The following CSMD1 variants were observed in gnomAD, a reference collection of about 807,000 sequenced individuals.
CSMD1 encodes the protein CUB and Sushi multiple domains 1.
Under a neutral mutation model 417.5 loss-of-function variants are expected in CSMD1, and 213 were observed. The observed-to-expected ratio is 0.51, with a 90% CI of 0.46 to 0.57. CSMD1 has a LOEUF of 0.57. Among genes scored for constraint, CSMD1 ranks in the 20% least tolerant of loss-of-function variants. The pLI is 0.00. For synonymous variants in CSMD1, 2,862 were observed against 1,736.8 expected (o/e 1.65, Z -16.11); for missense variants, 6,923 against 4,529.7 (o/e 1.53, Z -15.17).
chr8:3,824,965 G>A (rs182047501), intron 5 of CSMD1, among the ~76,000 whole-genome samples: 56 of 152,216 alleles, frequency 3.7e-4, no homozygotes, highest in African/African-American at 1.3e-3. Flanking sequence ...TTTAACTGTT[G>A]TTTAATAATA....
rs147890545 is a variant in CSMD1 at position 3,132,664 on chromosome 8, T to G, written c.6241+9801A>C. ...GAAACTGCAGATACAAAAGTAGTTC[T>G]GAATAGCTGCATCAAGAGGGCAGTT... On this transcript the variant is annotated intron_variant, in intron 41 of 69. Transcript: ENST00000635120. Among the ~76,000 whole-genome samples the G allele has an allele frequency of 3.8e-3, 580 of 152,326 alleles. 5 individuals are homozygous for G. Among genetic ancestry groups the G allele is most frequent in the African/African-American group, 0.013 (559 of 41,572 alleles).
At chr8:3,412,640 C>T (rs1188748115) in intron 12 of CSMD1, among the ~76,000 whole-genome samples, 5 of 152,194 alleles carry the variant, frequency 3.3e-5, no homozygotes, top group Non-Finnish European at 7.3e-5. Context: ...ACACTGCTAA[C>T]GTCACACCTC....
At chr8:4,390,560 C>G (rs1171613549) in intron 3 of CSMD1, among the ~76,000 whole-genome samples, 1 of 106,920 alleles carries the variant, frequency 9.4e-6, no homozygotes, top group East Asian at 2.4e-4. Flanking sequence ...GTTGCCCAGG[C>G]TGGAGTGCAG....
At chr8:4,968,025 C>T (rs1367473123) in intron 1 of CSMD1, among the ~76,000 whole-genome samples, 1 of 151,986 alleles carries the variant, frequency 6.6e-6, no homozygotes, top group African/African-American at 2.4e-5. Context: ...ATAATTGAAT[C>T]TGACAAATAA....
At chr8:4,673,192 T>A (rs920475594) in intron 1 of CSMD1, among the ~76,000 whole-genome samples, 6 of 152,072 alleles carry the variant, frequency 3.9e-5, no homozygotes, top group African/African-American at 1.4e-4. Flanking sequence ...GAAAAGACAT[T>A]TATCAGGTAC....
rs185649727 is a variant in CSMD1 at position 4,967,110 on chromosome 8, T to G, written c.85+27222A>C. Among the ~76,000 whole-genome samples the G allele has an allele frequency of 4.6e-5, 7 of 152,202 alleles. No individual in the cohort carries two copies. In the East Asian group the frequency reaches 9.7e-4, roughly 21 times the overall value. ...AAATGTCTGAGCAGATAAATTTGTC[T>G]TAAAAAAAAATCAGGGTTCATTCAA... On this transcript the variant is annotated intron_variant, in intron 1 of 69. Coordinates refer to ENST00000635120, the MANE Select transcript of CSMD1 (RefSeq NM_033225.6).
At chr8:4,560,093 G>A (rs527250803) in intron 2 of CSMD1, among the ~76,000 whole-genome samples, 31 of 152,316 alleles carry the variant, frequency 2.0e-4, no homozygotes, top group African/African-American at 7.2e-4. Flanking sequence ...TCGTGCTTGG[G>A]CCACCTCCAC....
chr8:4,229,886 T>G (rs532042547), intron 3 of CSMD1, among the ~76,000 whole-genome samples: 2 of 152,212 alleles, frequency 1.3e-5, no homozygotes, highest in Non-Finnish European at 2.9e-5. Context: ...GAAATCTGTG[T>G]ATCGCTTTGA....
At chr8:3,630,979 G>A (rs1439086569) in intron 7 of CSMD1, among the ~76,000 whole-genome samples, 1 of 152,174 alleles carries the variant, frequency 6.6e-6, no homozygotes, top group African/African-American at 2.4e-5. Context: ...GGGAATCATT[G>A]ATGTGACCTA....
chr8:4,330,869 G>T (rs545600997), intron 3 of CSMD1, among the ~76,000 whole-genome samples: 2 of 152,184 alleles, frequency 1.3e-5, no homozygotes, highest in Admixed American at 6.5e-5. Flanking sequence ...AGCTCAGCAG[G>T]AATGTCAGTT....
chr8:3,683,185 TATA>T (rs1441128635), intron 7 of CSMD1, among the ~76,000 whole-genome samples: 6 of 151,662 alleles, frequency 4.0e-5, no homozygotes, highest in African/African-American at 1.2e-4. Context: ...ACCCTAGAAG[TATA>T]ATAAGAAATA....
At chr8:3,610,123 C>T (rs899803897) in intron 8 of CSMD1, among the ~76,000 whole-genome samples, 6 of 152,052 alleles carry the variant, frequency 3.9e-5, no homozygotes, top group African/African-American at 1.2e-4. Flanking sequence ...ATGAGAGGCC[C>T]ACCATGTGTC....
chr8:3,770,910 C>A (rs1308553472), intron 5 of CSMD1, among the ~76,000 whole-genome samples: 1 of 152,146 alleles, frequency 6.6e-6, no homozygotes, highest in Non-Finnish European at 1.5e-5. Context: ...TTAAATTAAT[C>A]ATTTTCAGAT....
At chr8:3,651,389 T>C (rs1440279497) in intron 7 of CSMD1, among the ~76,000 whole-genome samples, 2 of 152,092 alleles carry the variant, frequency 1.3e-5, no homozygotes, top group Admixed American at 1.3e-4. Context: ...ATTCACAATA[T>C]GGAAGCCATG....
chr8:3,735,992 G>A (rs1253730768), intron 6 of CSMD1, among the ~76,000 whole-genome samples: 2 of 151,868 alleles, frequency 1.3e-5, no homozygotes, highest in East Asian at 1.9e-4. Flanking sequence ...GGTTTTCAGT[G>A]GGAATAAGTG....
chr8:4,983,046 A>C (rs1481895721), intron 1 of CSMD1, among the ~76,000 whole-genome samples: 2 of 152,246 alleles, frequency 1.3e-5, no homozygotes, highest in African/African-American at 4.8e-5. Context: ...ATATTAAATT[A>C]TTGTCACCAG....
At chr8:4,251,331 C>T (rs1176626754) in intron 3 of CSMD1, among the ~76,000 whole-genome samples, 1 of 151,898 alleles carries the variant, frequency 6.6e-6, no homozygotes. Flanking sequence ...TGCATTATGC[C>T]ACATTTAATA....
chr8:4,029,946 C>A (rs1392349875), intron 4 of CSMD1, among the ~76,000 whole-genome samples: 1 of 152,100 alleles, frequency 6.6e-6, no homozygotes, highest in African/African-American at 2.4e-5. Flanking sequence ...TCCAGTGGGG[C>A]AGTCAAATCT....
At chr8:3,540,811 G>T (rs139539141) in intron 10 of CSMD1, among the ~76,000 whole-genome samples, 25 of 152,294 alleles carry the variant, frequency 1.6e-4, no homozygotes, top group African/African-American at 5.1e-4. Flanking sequence ...GTAAAGAAGT[G>T]CAAATCAAAA....
Sources: gnomAD v4.1 joint callset for allele counts (sites outside exome capture counted in the v4.1 genomes callset) on GRCh38, gnomAD v4.1.1 for gene constraint, MANE v1.5 for transcripts, NCBI Gene and HGNC (gene_info 2026-07-23, HGNC 2026-07-21) for gene names.